CREB5: variants seen among roughly 807,000 people sequenced by gnomAD.
CREB5 encodes the protein cAMP responsive element binding protein 5, also known as cyclic AMP-responsive element-binding protein 5.
CREB5 carries 19 observed loss-of-function variants against 57.1 expected under a neutral mutation model. The observed-to-expected ratio is 0.33, with a 90% CI of 0.23 to 0.49. The LOEUF (loss-of-function observed/expected upper bound fraction) is 0.49, where lower values mean the gene tolerates loss of function less well. Ranked by LOEUF, CREB5 falls within the 20% of genes least tolerant of loss-of-function variation. CREB5 has a pLI of 0.99. For missense variants in CREB5, 579 were observed against 671.6 expected, an observed-to-expected ratio of 0.86 and a Z score of 1.52; for synonymous variants, 238 against 238.3, an observed-to-expected ratio of 1.00 and a Z score of 0.01.
intron 1 of CREB5, among the ~76,000 whole-genome samples, chr7:28,442,240 G>A (rs903139593): frequency 5.3e-5 from 8 of 151,964 alleles, no homozygotes; most frequent in Non-Finnish European, 5.9e-5. Flanking sequence ...AATGTCCCCC[G>A]GGCTTATCCA....
At chr7:28,433,122 T>A (rs1424481983) in intron 1 of CREB5, among the ~76,000 whole-genome samples, 1 of 152,206 alleles carries the variant, frequency 6.6e-6, no homozygotes, top group Non-Finnish European at 1.5e-5. Flanking sequence ...ATAAATAATA[T>A]TGTGATAAGC....
chr7:28,538,153 A>G (rs216728), intron 4 of CREB5, among the ~76,000 whole-genome samples: 61,534 of 152,050 alleles, frequency 0.4, 13,378 homozygotes, highest in Non-Finnish European at 0.48. Flanking sequence ...TCCCGGGTCC[A>G]AGTGATTCTC....
Position 28,412,936 on chromosome 7 carries a change from AT to A in CREB5, c.3+20del. On this transcript the variant is annotated intron_variant, in intron 1 of 10. Coordinates refer to ENST00000357727, the MANE Select transcript of CREB5 (RefSeq NM_182898.4). Reference sequence around the variant, plus strand: ...GATAATGGTAAGGATGATGTTTATTATGCATATTAAACAGAGAGAAAACTTT... The same window carrying A: ...GATAATGGTAAGGATGATGTTTATTAGCATATTAAACAGAGAGAAAACTTT... 3 of 1,448,960 alleles carry A rather than the reference AT, an allele frequency of 2.1e-6. No homozygotes were observed. Among genetic ancestry groups the A allele is most frequent in the Non-Finnish European group, 2.7e-6 (3 of 1,093,528 alleles). The allele number at this position is 1,448,960 out of a possible 1,614,324, so 89.8% of individuals were successfully genotyped here.
At chr7:28,729,530 C>T (rs1803501473) in intron 7 of CREB5, among the ~76,000 whole-genome samples, 1 of 152,174 alleles carries the variant, frequency 6.6e-6, no homozygotes, top group South Asian at 2.1e-4. Context: ...CCTACGGTGC[C>T]CCTTGGCCAC....
At chr7:28,470,055 A>G (rs1790743785) in intron 1 of CREB5, among the ~76,000 whole-genome samples, 1 of 152,218 alleles carries the variant, frequency 6.6e-6, no homozygotes, top group South Asian at 2.1e-4. Context: ...CTCAGCATTT[A>G]TCTTTTGTGT....
At chr7:28,318,837 G>T (rs535733280) in intron 1 of CREB5, among the ~76,000 whole-genome samples, 8 of 152,294 alleles carry the variant, frequency 5.3e-5, no homozygotes, top group African/African-American at 1.9e-4. Flanking sequence ...AAATCAAATT[G>T]CTTAGGCTTC....
At chr7:28,349,112 T>A (rs964712645) in intron 1 of CREB5, among the ~76,000 whole-genome samples, 2 of 152,142 alleles carry the variant, frequency 1.3e-5, no homozygotes, top group Admixed American at 1.3e-4. Context: ...GCAATAACTA[T>A]CCTAAGTGAA....
chr7:28,676,232 A>G (rs1037595381), intron 5 of CREB5, among the ~76,000 whole-genome samples: 1 of 152,144 alleles, frequency 6.6e-6, no homozygotes, highest in Admixed American at 6.5e-5. Flanking sequence ...CCAAATCTAC[A>G]CACAGATTAT....
At chr7:28,641,925 C>T (rs897254037) in intron 5 of CREB5, among the ~76,000 whole-genome samples, 4 of 152,144 alleles carry the variant, frequency 2.6e-5, no homozygotes, top group Admixed American at 2.0e-4. Flanking sequence ...AGAAAAGGCA[C>T]GTGTGTGCAC....
chr7:28,742,576 AAAAGAAAAGG>A (rs1414842942), intron 7 of CREB5, among the ~76,000 whole-genome samples: 1 of 149,618 alleles, frequency 6.7e-6, no homozygotes, highest in Non-Finnish European at 1.5e-5. Context: ...AAAAAAAAAG[AAAAGAAAAGG>A]AAAGAAAAGA....
intron 5 of CREB5, among the ~76,000 whole-genome samples, chr7:28,584,493 G>A (rs910223006): frequency 4.6e-5 from 7 of 152,082 alleles, no homozygotes; most frequent in Admixed American, 6.5e-5. Flanking sequence ...CTGCAGAGGC[G>A]TATATTGGAG....
In CREB5 at chr7:28,804,211, G is replaced by T; in HGVS notation, c.715G>T (p.Ala239Ser). ...HSEAKMRLKA[A>S]LTHHPAAMSN... ...TGTTCTGTTTCAGAGGTTGAAGGCT[G>T]CATTGACTCACCACCCTGCTGCCAT... is the stretch of plus-strand genomic sequence containing the variant. Residue 239 changes from alanine (A) to serine (S), a missense_variant, in exon 8 of 11, where the codon GCA becomes TCA. Physicochemically the swap from Ala to Ser is moderately conservative, Grantham distance 99 (BLOSUM62 1). Coordinates refer to ENST00000357727, the MANE Select transcript of CREB5 (RefSeq NM_182898.4). The T allele has an allele frequency of 1.2e-6, 2 of 1,613,250 alleles. No homozygotes were observed. Among genetic ancestry groups the T allele is most frequent in the Non-Finnish European group, 1.7e-6 (2 of 1,179,288 alleles).
rs1021742781 is a variant in CREB5, at chr7:28,447,750, G to T, written c.3+34833G>T. ...TTTTACGTGGCATTTCCAAAATGTGGCTTCTGATGACACAACTGCCCCACA... is the reference window on the plus strand; with the variant it reads ...TTTTACGTGGCATTTCCAAAATGTGTCTTCTGATGACACAACTGCCCCACA... On this transcript the variant is annotated intron_variant, in intron 1 of 10. Transcript: ENST00000357727. 3.3e-5 allele frequency among the ~76,000 whole-genome samples: 5 copies of T among 152,216 alleles called. No individual in the cohort carries two copies. In the East Asian group the frequency reaches 9.7e-4, roughly 29 times the overall value.
intron 4 of CREB5, among the ~76,000 whole-genome samples, chr7:28,550,226 CTCTG>C (rs1257722371): frequency 2.0e-5 from 3 of 152,036 alleles, no homozygotes; most frequent in African/African-American, 7.2e-5. Context: ...TCTCCTCCTT[CTCTG>C]TCTTCTTGTT....
chr7:28,817,676 C>T (rs529116796), intron 9 of CREB5, among the ~76,000 whole-genome samples: 1 of 152,154 alleles, frequency 6.6e-6, no homozygotes, highest in Non-Finnish European at 1.5e-5. Flanking sequence ...ATTTAATCCT[C>T]ATAGTAACAC....
At chr7:28,646,752 TCTTA>T (rs1583474055) in intron 5 of CREB5, among the ~76,000 whole-genome samples, 2 of 152,172 alleles carry the variant, frequency 1.3e-5, no homozygotes, top group Admixed American at 1.3e-4. Flanking sequence ...TTTTTAATGT[TCTTA>T]CTTATTTGTT....
At chr7:28,590,790 A>G (rs78572073) in intron 5 of CREB5, among the ~76,000 whole-genome samples, 3 of 151,966 alleles carry the variant, frequency 2.0e-5, no homozygotes, top group African/African-American at 7.3e-5. Flanking sequence ...CTCTTCCCTA[A>G]TGTGTTAAAA....
At chr7:28,309,312 A>G (rs961575160) in intron 1 of CREB5, among the ~76,000 whole-genome samples, 1 of 152,172 alleles carries the variant, frequency 6.6e-6, no homozygotes, top group Non-Finnish European at 1.5e-5. Context: ...GGCTTAGAGT[A>G]TGTGCTTAAT....
intron 7 of CREB5, among the ~76,000 whole-genome samples, chr7:28,762,829 C>T (rs779316695): frequency 3.3e-5 from 5 of 151,854 alleles, no homozygotes; most frequent in Non-Finnish European, 5.9e-5. Context: ...TTTCTTCACA[C>T]ATCTTCAATG....
Sources: allele counts gnomAD v4.1 joint callset (sites outside exome capture counted in the v4.1 genomes callset), GRCh38; gene constraint gnomAD v4.1.1; transcripts MANE v1.5; gene names NCBI Gene and HGNC (gene_info 2026-07-23, HGNC 2026-07-21).